Variants in FRMD8 observed in about 807,000 individuals in gnomAD.
FRMD8 encodes FERM domain containing 8.
Under a neutral mutation model 54.2 loss-of-function variants are expected in FRMD8, and 37 were observed. The ratio of observed to expected loss-of-function variants is 0.68; its 90% confidence interval spans 0.53 to 0.90. The LOEUF is 0.90. Among genes scored for constraint, FRMD8 ranks in the 40% least tolerant of loss-of-function variants. The pLI is 0.00. For synonymous variants in FRMD8, 246 were observed against 286.9 expected (o/e 0.86, Z 1.44); for missense variants, 585 against 653.7 (o/e 0.89, Z 1.15).
At chr11:65,393,718 G>A (rs1442760594) in intron 4 of FRMD8, 44 bp downstream of exon 4, 1 of 1,500,138 alleles carries the variant, frequency 6.7e-7, no homozygotes, top group Non-Finnish European at 9.1e-7. Flanking sequence ...GACCACCTGA[G>A]TCTGCATCTC....
At chr11:65,373,213 G>A in the FRMD8 span, among the ~76,000 whole-genome samples, 326 of 152,278 alleles carry the variant, frequency 2.1e-3, 1 homozygote, top group African/African-American at 7.4e-3. Context: ...CCCCAGCCTG[G>A]GTGACAGAGC....
intron 10 of FRMD8, among the ~76,000 whole-genome samples, chr11:65,407,720 T>C (rs185833641): frequency 1.3e-3 from 192 of 151,784 alleles, no homozygotes; most frequent in Admixed American, 2.2e-3. Context: ...AAACCCTGTC[T>C]CTACTAAAAA....
intron 9 of FRMD8, among the ~76,000 whole-genome samples, chr11:65,402,107 G>A (rs1255413988): frequency 6.6e-6 from 1 of 151,956 alleles, no homozygotes; most frequent in Admixed American, 6.6e-5. Flanking sequence ...CCAGCACTTT[G>A]GGAAGCCAAG....
the FRMD8 span, chr11:65,377,168 C>G: frequency 6.7e-7 from 1 of 1,489,892 alleles, no homozygotes; most frequent in African/African-American, 1.4e-5. Flanking sequence ...AGGCAGGGGG[C>G]CACATCTTCC....
In FRMD8 at chr11:65,386,742, G is replaced by C. The variant is rs554039357; in HGVS notation, c.-20G>C. On this transcript the variant is annotated 5_prime_UTR_variant, in exon 1 of 11. Transcript: ENST00000317568. ...GCAGGAGCCTTGCCTCTCAGGTGGC[G>C]GGCTCTGCGACCCTGCGAGGTGAGA... 95 of 410,756 alleles carry C rather than the reference G, an allele frequency of 2.3e-4. No homozygotes were observed. In the East Asian group the frequency reaches 3.6e-3, roughly 16 times the overall value. The allele number at this position is 410,756 out of a possible 1,614,324, so 25.4% of individuals were successfully genotyped here.
chr11:65,411,370 A>G lies in FRMD8; in HGVS notation c.*10A>G, dbSNP rs1856327995. 6.5e-7 allele frequency: 1 copy of G among 1,548,310 alleles called. No homozygotes were observed. The highest frequency in any genetic ancestry group is 1.4e-5 in the African/African-American group (1 of 73,212). On this transcript the variant is annotated 3_prime_UTR_variant, in exon 11 of 11. Coordinates refer to ENST00000317568, the MANE Select transcript of FRMD8 (RefSeq NM_031904.5). ...CCTGGAGCAGGGCTGAGGACGCTGC[A>G]CCCGGCAGGAGGAGGGCGACTGGGG...
At chr11:65,391,107 CTG>C (rs956276876) in intron 3 of FRMD8, among the ~76,000 whole-genome samples, 95 of 152,402 alleles carry the variant, frequency 6.2e-4, no homozygotes, top group African/African-American at 2.3e-3. Context: ...GGGAGGGGCG[CTG>C]TCTTCTGGAG....
chr11:65,394,492 C>G (rs1855908352), intron 6 of FRMD8, 67 bp downstream of exon 6: 3 of 1,512,726 alleles, frequency 2.0e-6, no homozygotes, highest in Non-Finnish European at 2.7e-6. Context: ...ATGGAACTTA[C>G]AAGCAGTCTT....
intron 9 of FRMD8, among the ~76,000 whole-genome samples, chr11:65,401,238 C>G (rs1268630780): frequency 6.6e-6 from 1 of 152,010 alleles, no homozygotes; most frequent in African/African-American, 2.4e-5. Flanking sequence ...TGGGCCTCTC[C>G]AAGCCTGTGT....
intron 3 of FRMD8, among the ~76,000 whole-genome samples, chr11:65,393,256 C>A (rs187410307): frequency 6.6e-6 from 1 of 152,320 alleles, no homozygotes; most frequent in East Asian, 1.9e-4. Flanking sequence ...TGTGCCCCAG[C>A]ACCTTCCATT....
chr11:65,380,548 T>G, the FRMD8 span: 2 of 1,340,958 alleles, frequency 1.5e-6, no homozygotes, highest in African/African-American at 2.9e-5. Context: ...CCGAGAGCTT[T>G]ACTCTTCTTT....
the FRMD8 span, among the ~76,000 whole-genome samples, chr11:65,371,821 A>C: frequency 1.3e-5 from 2 of 151,902 alleles, no homozygotes; most frequent in African/African-American, 2.4e-5. Flanking sequence ...TCACTGTGTT[A>C]GCCAGGATGG....
chr11:65,389,321 G>T lies in FRMD8; in HGVS notation c.86-40G>T, dbSNP rs1275386650. On this transcript the variant is annotated intron_variant, in intron 2 of 10. Coordinates refer to ENST00000317568, the MANE Select transcript of FRMD8 (RefSeq NM_031904.5). ...TGGTTGGCCTGGCCTGGCTGTGCCA[G>T]GCAGAGGCCTCAGCTGAGCCTGCCT... is the stretch of plus-strand genomic sequence containing the variant. The T allele has an allele frequency of 3.1e-6, 5 of 1,601,032 alleles. No homozygotes were observed. The East Asian group carries it at 1.1e-4, about 36-fold the overall frequency.
intron 10 of FRMD8, among the ~76,000 whole-genome samples, chr11:65,406,892 A>G (rs1344744847): frequency 6.6e-6 from 1 of 151,910 alleles, no homozygotes; most frequent in Non-Finnish European, 1.5e-5. Flanking sequence ...GTGAGCCAAA[A>G]TCACGCCACT....
the FRMD8 span, chr11:65,378,553 C>T: frequency 6.6e-6 from 1 of 152,220 alleles, no homozygotes; most frequent in Non-Finnish European, 1.5e-5. Flanking sequence ...TGGCACCTCG[C>T]ACAAGAAGGG....
At chr11:65,381,950 A>T, upstream of FRMD8, 1 of 1,614,062 alleles carries the variant, frequency 6.2e-7, no homozygotes, top group Non-Finnish European at 8.5e-7. Context: ...CTCCACCGGC[A>T]TTGTCTGGGC....
chr11:65,387,497 G>A (rs960074023), intron 2 of FRMD8, among the ~76,000 whole-genome samples: 3 of 152,052 alleles, frequency 2.0e-5, no homozygotes, highest in African/African-American at 7.2e-5. Flanking sequence ...AAAAAAGAAA[G>A]TGACACGTTC....
At chr11:65,386,399 C>A (rs1039780284), upstream of FRMD8, among the ~76,000 whole-genome samples, 2 of 152,212 alleles carry the variant, frequency 1.3e-5, no homozygotes, top group Non-Finnish European at 2.9e-5. Context: ...CGAATCTTCG[C>A]CAAACCCTCT....
At chr11:65,395,793 A>G (rs1237092961) in intron 6 of FRMD8, among the ~76,000 whole-genome samples, 1 of 152,214 alleles carries the variant, frequency 6.6e-6, no homozygotes, top group African/African-American at 2.4e-5. Context: ...TTTGGTTATA[A>G]AAGTTCCACC....
Sources: gnomAD v4.1 joint callset for allele counts (sites outside exome capture counted in the v4.1 genomes callset) on GRCh38, gnomAD v4.1.1 for gene constraint, MANE v1.5 for transcripts, NCBI Gene and HGNC (gene_info 2026-07-23, HGNC 2026-07-21) for gene names.